Variants in GABRA5 observed in about 807,000 individuals in gnomAD.
GABRA5 encodes the protein gamma-aminobutyric acid type A receptor subunit alpha5.
GABRA5 carries 18 observed loss-of-function variants against 47.3 expected under a neutral mutation model. The ratio of observed to expected loss-of-function variants is 0.38; its 90% confidence interval spans 0.26 to 0.56. The LOEUF (loss-of-function observed/expected upper bound fraction) is 0.56. GABRA5 is among the 20% of genes least tolerant of loss of function. The pLI is 0.71. For synonymous variants in GABRA5, 237 were observed against 229.3 expected (o/e 1.03, Z -0.30); for missense variants, 365 against 599.3 (o/e 0.61, Z 4.08).
intron 7 of GABRA5, among the ~76,000 whole-genome samples, chr15:26,929,982 TTTC>T (rs1223099935): frequency 1.1e-3 from 161 of 148,390 alleles, no homozygotes; most frequent in South Asian, 4.1e-3. Flanking sequence ...ATTCTGCTTC[TTTC>T]TTCTTCTTCT....
At chr15:26,874,135 G>C (rs1284767500) in intron 3 of GABRA5, among the ~76,000 whole-genome samples, 1 of 152,074 alleles carries the variant, frequency 6.6e-6, no homozygotes, top group Non-Finnish European at 1.5e-5. Flanking sequence ...TTTTACAAAG[G>C]TTCAAATTGC....
Position 26,943,109 on chromosome 15 carries a change from C to T in GABRA5, c.878-106C>T, listed in dbSNP as rs868740686. ...AAAATAAAAATAAAAATAAAAATGA[C>T]TAGTCCCCTTTGTGTCTATCACTTT... On this transcript the variant is annotated intron_variant, in intron 9 of 10. Coordinates refer to ENST00000335625, the MANE Select transcript of GABRA5 (RefSeq NM_000810.4). 51 of 723,244 alleles carry T rather than the reference C, an allele frequency of 7.1e-5. No individual in the cohort carries two copies. The African/African-American group carries it at 8.1e-4, about 11-fold the overall frequency. The allele number at this position is 723,244 out of a possible 1,614,324, so 44.8% of individuals were successfully genotyped here. A position where few individuals can be genotyped will look rare whatever the true frequency, so the allele number is the denominator to read the frequency against.
intron 3 of GABRA5, among the ~76,000 whole-genome samples, chr15:26,875,142 G>T (rs1892562389): frequency 6.6e-6 from 1 of 152,346 alleles, no homozygotes; most frequent in South Asian, 2.1e-4. Context: ...GCAAGCCCAG[G>T]TCTGTGTCAG....
intron 10 of GABRA5, among the ~76,000 whole-genome samples, chr15:26,945,737 G>T (rs1894494581): frequency 6.6e-6 from 1 of 152,154 alleles, no homozygotes; most frequent in Non-Finnish European, 1.5e-5. Context: ...TTCTGGCAAG[G>T]CGGATTCCAG....
In GABRA5 at chr15:26,914,773, G is replaced by A. The variant is rs377620534; in HGVS notation, c.498-30G>A. ...AGTGAATGGCTAGAGTGAGAGAGTC[G>A]TTCAAAGGTCTTCATCTTTTATTTT... is the stretch of plus-strand genomic sequence containing the variant. On this transcript the variant is annotated intron_variant, in intron 6 of 10. Coordinates refer to ENST00000335625, the MANE Select transcript of GABRA5 (RefSeq NM_000810.4). 113 of 1,575,622 alleles carry A rather than the reference G, an allele frequency of 7.2e-5. No individual in the cohort carries two copies. In the Admixed American group the frequency reaches 7.3e-4, roughly 10 times the overall value.
intron 10 of GABRA5, among the ~76,000 whole-genome samples, chr15:26,944,621 G>A (rs12438610): frequency 0.045 from 6,791 of 152,308 alleles, 394 homozygotes; most frequent in East Asian, 0.27. Context: ...GTTCTCAGAC[G>A]ATAGAGGTTC....
intron 6 of GABRA5, among the ~76,000 whole-genome samples, chr15:26,897,576 G>A (rs751331074): frequency 2.6e-5 from 4 of 152,242 alleles, no homozygotes; most frequent in South Asian, 2.1e-4. Flanking sequence ...GCCCTGACTC[G>A]GCAGATACGC....
rs751463688 is a variant in GABRA5, at chr15:26,942,140, GC to G, written c.878-1074del. ...GGTAGTCTCATCTCCTTGCTGGCGA[GC>G]TTGGGCACCTCGCTAAACACTTTTA... On this transcript the variant is annotated intron_variant, in intron 9 of 10. Transcript: ENST00000335625. Among the ~76,000 whole-genome samples the G allele has an allele frequency of 1.1e-4, 17 of 152,306 alleles. No homozygotes were observed. The East Asian group carries it at 1.2e-3, about 10-fold the overall frequency.
At chr15:26,892,025 T>C (rs996424562) in intron 6 of GABRA5, among the ~76,000 whole-genome samples, 4 of 151,930 alleles carry the variant, frequency 2.6e-5, no homozygotes, top group Admixed American at 1.3e-4. Context: ...CTGGCAGGAG[T>C]GAGGCAGATG....
chr15:26,883,271 T>A lies in GABRA5; in HGVS notation c.276+38T>A, dbSNP rs1360037683. The A allele has an allele frequency of 6.2e-7, 1 of 1,611,934 alleles. No individual in the cohort carries two copies. Among genetic ancestry groups the A allele is most frequent in the Non-Finnish European group, 8.5e-7 (1 of 1,178,162 alleles). ...GCATGGCTGGGCAGACAATTCTTAC[T>A]CCGCGCCGCAGGCCCCCGCCCAGGC... On this transcript the variant is annotated intron_variant, in intron 5 of 10. Coordinates refer to ENST00000335625, the MANE Select transcript of GABRA5 (RefSeq NM_000810.4). The surrounding 1 kb of genome is among the most constrained non-coding windows in gnomAD (Gnocchi z 4.8).
chr15:26,936,314 G>A (rs1202060041), intron 7 of GABRA5, among the ~76,000 whole-genome samples: 1 of 152,110 alleles, frequency 6.6e-6, no homozygotes, highest in African/African-American at 2.4e-5. Flanking sequence ...TAAGCTTTGG[G>A]CTCCTTTGCA....
At chr15:26,917,712 T>A (rs1203130849) in intron 7 of GABRA5, among the ~76,000 whole-genome samples, 2 of 151,996 alleles carry the variant, frequency 1.3e-5, no homozygotes, top group Non-Finnish European at 2.9e-5. Context: ...TGTTGGGAGG[T>A]TTTTGATTAT....
At chr15:26,891,889 G>A (rs1360133088) in intron 6 of GABRA5, among the ~76,000 whole-genome samples, 1 of 152,212 alleles carries the variant, frequency 6.6e-6, no homozygotes, top group Non-Finnish European at 1.5e-5. Flanking sequence ...CAGCTCGGAC[G>A]GTGGTCCCTT....
intron 7 of GABRA5, among the ~76,000 whole-genome samples, chr15:26,919,003 C>T (rs548659780): frequency 6.6e-6 from 1 of 152,126 alleles, no homozygotes; most frequent in East Asian, 1.9e-4. Context: ...ATTAGCTAGA[C>T]ATGGTGGTGC....
At chr15:26,875,715 G>T (rs1470719096) in intron 3 of GABRA5, among the ~76,000 whole-genome samples, 1 of 152,104 alleles carries the variant, frequency 6.6e-6, no homozygotes, top group Non-Finnish European at 1.5e-5. Context: ...GCGTCGTCAG[G>T]GAGGAAGGGC....
At chr15:26,922,901 T>C (rs1183759301) in intron 7 of GABRA5, among the ~76,000 whole-genome samples, 1 of 152,202 alleles carries the variant, frequency 6.6e-6, no homozygotes, top group Admixed American at 6.5e-5. Context: ...TCTGGGATTA[T>C]AGGCATGAGC....
At chr15:26,929,511 G>T (rs1046983380) in intron 7 of GABRA5, among the ~76,000 whole-genome samples, 8 of 152,196 alleles carry the variant, frequency 5.3e-5, no homozygotes, top group African/African-American at 1.7e-4. Flanking sequence ...ATGACTTTGG[G>T]GATCCCCTGC....
chr15:26,938,186 C>G (rs551347350), intron 8 of GABRA5, among the ~76,000 whole-genome samples: 2 of 152,330 alleles, frequency 1.3e-5, no homozygotes, highest in African/African-American at 4.8e-5. Context: ...TGCACACACA[C>G]GCAGTCAGCA....
rs1894432885 is a variant in GABRA5, at chr15:26,943,375, G to C, written c.1038G>C (p.Lys346Asn). Residue 346 changes from lysine (K) to asparagine (N), a missense_variant, in exon 10 of 11, where the codon AAG becomes AAC. This residue lies in a region of GABRA5 where 43 missense variants were observed against 133.7 expected (regional missense o/e 0.32). Transcript: ENST00000335625. ...IEFATVNYFT[K>N]RGWAWDGKKA... ...TTGCCACGGTCAATTACTTTACCAA[G>C]AGAGGCTGGGCCTGGGATGGCAAAA... The C allele has an allele frequency of 6.2e-7, 1 of 1,600,088 alleles. No individual in the cohort carries two copies. The highest frequency in any genetic ancestry group is 1.3e-5 in the African/African-American group (1 of 74,680).
Sources: gnomAD v4.1 joint callset for allele counts (sites outside exome capture counted in the v4.1 genomes callset) on GRCh38, gnomAD v4.1.1 for gene constraint, gnomAD v4.1.1 regional missense constraint, Gnocchi (gnomAD v3.1) non-coding constraint, MANE v1.5 for transcripts, NCBI Gene and HGNC (gene_info 2026-07-23, HGNC 2026-07-21) for gene names.